PHACTR1: variants seen among roughly 807,000 people sequenced by gnomAD.
PHACTR1 encodes the protein RPEL repeat containing 1.
PHACTR1 carries 16 observed loss-of-function variants against 69.2 expected under a neutral mutation model. The ratio of observed to expected loss-of-function variants is 0.23; its 90% CI spans 0.16 to 0.35. The LOEUF is 0.35. Among genes scored for constraint, PHACTR1 ranks in the 10% least tolerant of loss-of-function variants. The pLI is 1.00. For synonymous variants in PHACTR1, 312 were observed against 284.5 expected (o/e 1.10, Z -0.97); for missense variants, 510 against 734.7 (o/e 0.69, Z 3.54).
At chr6:13,255,326 C>T (rs1775031006) in intron 10 of PHACTR1, among the ~76,000 whole-genome samples, 1 of 152,198 alleles carries the variant, frequency 6.6e-6, no homozygotes, top group Non-Finnish European at 1.5e-5. Flanking sequence ...CCACCAGGTC[C>T]CACCTCCAAC....
At chr6:12,821,278 A>G (rs1236937203) in intron 4 of PHACTR1, among the ~76,000 whole-genome samples, 3 of 152,162 alleles carry the variant, frequency 2.0e-5, no homozygotes, top group African/African-American at 7.2e-5. Flanking sequence ...CCTGGCCAAC[A>G]TGGTGAAACC....
chr6:13,001,042 G>A (rs7341250), intron 4 of PHACTR1, among the ~76,000 whole-genome samples: 64,580 of 152,034 alleles, frequency 0.42, 14,294 homozygotes, highest in African/African-American at 0.52. Flanking sequence ...AGCTAACTTA[G>A]TTGGCTTTCT....
At chr6:12,816,404 T>A (rs1049123730) in intron 4 of PHACTR1, among the ~76,000 whole-genome samples, 1 of 152,186 alleles carries the variant, frequency 6.6e-6, no homozygotes, top group African/African-American at 2.4e-5. Flanking sequence ...TTAAACTCTG[T>A]GGGTGTGTAT....
intron 5 of PHACTR1, among the ~76,000 whole-genome samples, chr6:13,140,829 A>G (rs1348556122): frequency 6.6e-6 from 1 of 152,232 alleles, no homozygotes; most frequent in Non-Finnish European, 1.5e-5. Context: ...TGTCAGTACC[A>G]TGGAACTAAT....
At chr6:13,106,168 G>C (rs964378482) in intron 5 of PHACTR1, among the ~76,000 whole-genome samples, 1 of 152,144 alleles carries the variant, frequency 6.6e-6, no homozygotes, top group South Asian at 2.1e-4. Flanking sequence ...TCAGATAAAA[G>C]TTCTTTTCTT....
chr6:13,126,682 G>A (rs766114497), intron 5 of PHACTR1, among the ~76,000 whole-genome samples: 17 of 152,112 alleles, frequency 1.1e-4, no homozygotes, highest in Admixed American at 2.6e-4. Context: ...TTTAAATATC[G>A]CACCACCTTA....
At chr6:13,090,851 G>C (rs1388238732) in intron 5 of PHACTR1, among the ~76,000 whole-genome samples, 1 of 152,088 alleles carries the variant, frequency 6.6e-6, no homozygotes, top group African/African-American at 2.4e-5. Context: ...TCTGCAGACT[G>C]GGGGCAGCAG....
At chr6:13,209,284 C>T (rs1766431018) in intron 8 of PHACTR1, among the ~76,000 whole-genome samples, 1 of 152,162 alleles carries the variant, frequency 6.6e-6, no homozygotes, top group Admixed American at 6.5e-5. Flanking sequence ...CCTAAAAATT[C>T]TCCCTGTTGC....
At chr6:12,818,146 C>T (rs1315170172) in intron 4 of PHACTR1, among the ~76,000 whole-genome samples, 1 of 152,122 alleles carries the variant, frequency 6.6e-6, no homozygotes, top group East Asian at 1.9e-4. Context: ...TTTAGGGGAG[C>T]CAGGTGTGTA....
At chr6:12,878,441 A>C (rs910277412) in intron 4 of PHACTR1, among the ~76,000 whole-genome samples, 24 of 152,226 alleles carry the variant, frequency 1.6e-4, no homozygotes, top group African/African-American at 5.8e-4. Flanking sequence ...GTCAACATTG[A>C]AATTGAGTAT....
At chr6:12,763,414 C>A (rs1245749658) in intron 4 of PHACTR1, among the ~76,000 whole-genome samples, 1 of 152,172 alleles carries the variant, frequency 6.6e-6, no homozygotes, top group African/African-American at 2.4e-5. Context: ...TCTGTATGAA[C>A]AATTTCTGTT....
At chr6:12,921,494 A>AGGATGGAG (rs1197736990) in intron 4 of PHACTR1, among the ~76,000 whole-genome samples, 5 of 132,482 alleles carry the variant, frequency 3.8e-5, no homozygotes, top group South Asian at 3.0e-4. Flanking sequence ...GAGGGAAGGA[A>AGGATGGAG]GGAAGGAAAG....
At chr6:12,969,820 G>C (rs758771143) in intron 4 of PHACTR1, among the ~76,000 whole-genome samples, 30 of 152,072 alleles carry the variant, frequency 2.0e-4, no homozygotes, top group South Asian at 6.2e-4. Context: ...AAAATTAGCT[G>C]GGCATGGTGG....
chr6:12,720,693 G>T (rs1762005277), intron 3 of PHACTR1, among the ~76,000 whole-genome samples: 1 of 152,252 alleles, frequency 6.6e-6, no homozygotes, highest in Non-Finnish European at 1.5e-5. Context: ...CGCACACATT[G>T]TCTAGGTCAG....
intron 4 of PHACTR1, among the ~76,000 whole-genome samples, chr6:12,901,342 C>T (rs1214895489): frequency 6.6e-6 from 1 of 152,108 alleles, no homozygotes; most frequent in Admixed American, 6.6e-5. Flanking sequence ...GAACAAGAGG[C>T]TCCTCTTGTA....
intron 5 of PHACTR1, among the ~76,000 whole-genome samples, chr6:13,113,468 C>T (rs570972925): frequency 3.9e-5 from 6 of 152,266 alleles, no homozygotes; most frequent in African/African-American, 1.4e-4. Context: ...CCATTAGACT[C>T]GGTTAATAAT....
chr6:13,113,210 CA>C lies in PHACTR1; in HGVS notation c.416-46986del, dbSNP rs987071588. 3.4e-5 allele frequency among the ~76,000 whole-genome samples: 5 copies of C among 147,540 alleles called. No homozygotes were observed. In the East Asian group the frequency reaches 5.8e-4, roughly 17 times the overall value. ...AGCAAGATCCTGTCTCAAAACAAAACAAAAAAAACTTAGATGAAATAAATTT... is the reference window on the plus strand; with the variant it reads ...AGCAAGATCCTGTCTCAAAACAAAACAAAAAAACTTAGATGAAATAAATTT... On this transcript the variant is annotated intron_variant, in intron 5 of 14. Coordinates refer to ENST00000332995, the MANE Select transcript of PHACTR1 (RefSeq NM_030948.6).
rs1449773607 is a variant in PHACTR1, at chr6:12,955,292, GGGCTCAAGGGATCCTCCCA to G, written c.251-98072_251-98054del. Among the ~76,000 whole-genome samples the G allele has an allele frequency of 2.8e-5, 4 of 144,030 alleles. 1 individual carries two copies. Among genetic ancestry groups the G allele is most frequent in the Non-Finnish European group, 4.5e-5 (3 of 67,098 alleles). The allele number at this position is 144,030 out of a possible 152,430, so 94.5% of individuals were successfully genotyped here. ...TGGCTCACCGTAGCTTTGACCTCCT[GGGCTCAAGGGATCCTCCCA>G]CCTCAACCTCCCCAGTAGCTGGAAT... On this transcript the variant is annotated intron_variant, in intron 4 of 14. Transcript: ENST00000332995.
chr6:13,072,327 T>A lies in PHACTR1; in HGVS notation c.415+18798T>A, dbSNP rs114290591. Reference sequence around the variant, plus strand: ...TCACCAACAGCATGCCTATGGAAGGTCTTTACTGTCATAATTTGGTGTGTA... The same window carrying A: ...TCACCAACAGCATGCCTATGGAAGGACTTTACTGTCATAATTTGGTGTGTA... On this transcript the variant is annotated intron_variant, in intron 5 of 14. Coordinates refer to ENST00000332995, the MANE Select transcript of PHACTR1 (RefSeq NM_030948.6). Among the ~76,000 whole-genome samples, 436 of 152,318 alleles carry A rather than the reference T, an allele frequency of 2.9e-3. 1 individual carries two copies. The highest frequency in any genetic ancestry group is 4.5e-3 in the Non-Finnish European group (307 of 68,016).
Sources: gnomAD v4.1 joint callset for allele counts (sites outside exome capture counted in the v4.1 genomes callset) on GRCh38, gnomAD v4.1.1 for gene constraint, MANE v1.5 for transcripts, NCBI Gene and HGNC (gene_info 2026-07-23, HGNC 2026-07-21) for gene names.